CALM2: variants seen among roughly 807,000 people sequenced by gnomAD.
CALM2 encodes the protein calmodulin-2.
Under a neutral mutation model 19.8 loss-of-function variants are expected in CALM2, and 2 were observed. The ratio of observed to expected loss-of-function variants is 0.10; its 90% CI spans 0.04 to 0.32. The LOEUF (loss-of-function observed/expected upper bound fraction) is 0.32, where lower values mean the gene tolerates loss of function less well. CALM2 is among the 10% of genes least tolerant of loss of function. CALM2 has a pLI of 1.00. For synonymous variants in CALM2, 51 were observed against 52.1 expected, an observed-to-expected ratio of 0.98 and a Z score of 0.09; for missense variants, 38 against 178.7, an observed-to-expected ratio of 0.21 and a Z score of 4.49.
Position 47,176,510 on chromosome 2 carries a change from C to A in CALM2, c.-67G>T. 1 of 1,605,220 alleles carries A rather than the reference C, an allele frequency of 6.2e-7. No homozygotes were observed. Among genetic ancestry groups the A allele is most frequent in the East Asian group, 2.3e-5 (1 of 44,096 alleles). On this transcript the variant is annotated 5_prime_UTR_variant, in exon 1 of 6. Coordinates refer to ENST00000272298, the MANE Select transcript of CALM2 (RefSeq NM_001743.6). ...ACTCAGCTCGCTCTCTCCACTCGGA[C>A]TAATTCGCCTCCTCCGCCCCCAGCG...
chr2:47,171,687 C>G (rs1395704544), intron 1 of CALM2: 1 of 152,136 alleles, frequency 6.6e-6, no homozygotes, highest in Non-Finnish European at 1.5e-5. Flanking sequence ...CATGAAGCAA[C>G]TGCTTATGGG....
chr2:47,167,817 T>TTTTTTTTTTTTTTTTTTTG (rs70940664), intron 2 of CALM2: 1 of 142,978 alleles, frequency 7.0e-6, no homozygotes, highest in Non-Finnish European at 1.5e-5. Flanking sequence ...TTCTTTTCTT[T>TTTTTTTTTTTTTTTTTTTG]GAGACAGGGT....
At position 47,160,492 on chromosome 2, in the gene CALM2, T is replaced by G. The variant is rs1687122455; in HGVS notation, c.*284A>C. ...CTTTAAAAAAGGCATAACCCAGATG[T>G]TCCCTCATTTGACCAACTCCATCTA... On this transcript the variant is annotated 3_prime_UTR_variant, in exon 6 of 6. Coordinates refer to ENST00000272298, the MANE Select transcript of CALM2 (RefSeq NM_001743.6). The G allele has an allele frequency of 3.3e-6, 1 of 303,620 alleles. No individual in the cohort carries two copies. Among genetic ancestry groups the G allele is most frequent in the Non-Finnish European group, 6.1e-6 (1 of 164,078 alleles). 18.8% of individuals were successfully genotyped at this position (303,620 alleles called of 1,614,324 possible). A position where few individuals can be genotyped will look rare whatever the true frequency, so the allele number is the denominator to read the frequency against.
chr2:47,165,435 G>A (rs1253764085), intron 2 of CALM2, among the ~76,000 whole-genome samples: 1 of 152,168 alleles, frequency 6.6e-6, no homozygotes, highest in Non-Finnish European at 1.5e-5. Flanking sequence ...ATTAGTATGT[G>A]TCAAACACTT....
intron 2 of CALM2, among the ~76,000 whole-genome samples, chr2:47,164,580 G>C (rs1351338359): frequency 6.7e-6 from 1 of 149,400 alleles, no homozygotes; most frequent in East Asian, 1.9e-4. Context: ...TTGGGCAACA[G>C]AGTGAGACTT....
At chr2:47,176,175 C>G in intron 1 of CALM2, 2 of 513,798 alleles carry the variant, frequency 3.9e-6, no homozygotes, top group Non-Finnish European at 3.5e-6. Flanking sequence ...CCATCCTCCT[C>G]CAGCCAAGCC....
At chr2:47,162,480 T>TC in intron 3 of CALM2, 39 bp downstream of exon 3, 2 of 1,613,418 alleles carry the variant, frequency 1.2e-6, no homozygotes, top group Non-Finnish European at 1.7e-6. Context: ...AAGTATCACT[T>TC]CTTCAACCCC....
At chr2:47,175,474 G>A (rs1666823868) in intron 1 of CALM2, among the ~76,000 whole-genome samples, 1 of 152,188 alleles carries the variant, frequency 6.6e-6, no homozygotes, top group African/African-American at 2.4e-5. Flanking sequence ...TAGAACCCTA[G>A]CTGGAGCCGA....
At chr2:47,176,887 C>T, upstream of CALM2, 2 of 985,360 alleles carry the variant, frequency 2.0e-6, no homozygotes, top group Non-Finnish European at 2.4e-6. Flanking sequence ...GCCGCCGGGA[C>T]GCGGTGCGGC....
chr2:47,170,777 C>CA lies in CALM2; in HGVS notation c.4-14dup, dbSNP rs775334263. 1 of 1,611,698 alleles carries CA rather than the reference C, an allele frequency of 6.2e-7. No individual in the cohort carries two copies. The highest frequency in any genetic ancestry group is 2.2e-5 in the East Asian group (1 of 44,838). The stretch of plus-strand genomic sequence containing the variant: ...TCAGTTGGTCAGCCTACAAAGAGAT[C>CA]AAAGAGGAAGGTTAGTGACTTGAGA... On this transcript the variant is annotated splice_polypyrimidine_tract_variant and intron_variant, in intron 1 of 5. Coordinates refer to ENST00000272298, the MANE Select transcript of CALM2 (RefSeq NM_001743.6).
rs1423827381 is a variant in CALM2, at chr2:47,172,378, C to G, written c.4-1614G>C. 16 of 549,632 alleles carry G rather than the reference C, an allele frequency of 2.9e-5. No homozygotes were observed. In the East Asian group the frequency reaches 9.6e-4, roughly 33 times the overall value. The allele number at this position is 549,632 out of a possible 1,614,324, so 34.0% of individuals were successfully genotyped here. A position where few individuals can be genotyped will look rare whatever the true frequency, so the allele number is the denominator to read the frequency against. On this transcript the variant is annotated intron_variant, in intron 1 of 5. Transcript: ENST00000272298. The stretch of plus-strand genomic sequence containing the variant: ...TGGACGTGGTACTCCTCCTCTCAGT[C>G]AACTTCATTTGTAGCACAAGAATAA...
In CALM2 at chr2:47,170,860, C is replaced by T. The variant is rs113323744; in HGVS notation, c.4-96G>A. 2.1e-5 allele frequency: 20 copies of T among 955,990 alleles called. No homozygotes were observed. In the African/African-American group the frequency reaches 2.6e-4, roughly 12 times the overall value. The allele number at this position is 955,990 out of a possible 1,614,324, so 59.2% of individuals were successfully genotyped here. A position where few individuals can be genotyped will look rare whatever the true frequency, so the allele number is the denominator to read the frequency against. ...AAAACCTTTCAAGGGTTACCATGTA[C>T]TGTTTCATTTAGTTCCAGCAACAAA... On this transcript the variant is annotated intron_variant, in intron 1 of 5. Transcript: ENST00000272298.
chr2:47,165,128 T>A (rs1161948882), intron 2 of CALM2, among the ~76,000 whole-genome samples: 1 of 152,218 alleles, frequency 6.6e-6, no homozygotes, highest in Non-Finnish European at 1.5e-5. Flanking sequence ...CTCCAACTCA[T>A]CACCTGAAAA....
chr2:47,162,202 A>C (rs1247583765), intron 4 of CALM2, 84 bp downstream of exon 4: 25 of 431,388 alleles, frequency 5.8e-5, no homozygotes, highest in Admixed American at 2.3e-4. Context: ...AAAAAAAAAC[A>C]ACCAAAAAAA....
intron 2 of CALM2, chr2:47,162,884 A>C: frequency 2.2e-6 from 1 of 461,816 alleles, no homozygotes; most frequent in East Asian, 3.6e-5. Flanking sequence ...TGTGACTTTG[A>C]CTCCTAAAGA....
chr2:47,176,299 A>G, intron 1 of CALM2, 142 bp downstream of exon 1: 1 of 988,708 alleles, frequency 1.0e-6, no homozygotes, highest in East Asian at 2.7e-5. Context: ...CGTCGCCGGC[A>G]TCCCTGGCCT....
At chr2:47,162,213 CA>C in intron 4 of CALM2, 72 bp downstream of exon 4, 1 of 278,812 alleles carries the variant, frequency 3.6e-6, no homozygotes, top group South Asian at 8.8e-5. Flanking sequence ...ACCAAAAAAA[CA>C]CAAGTCTTCA....
intron 4 of CALM2, 142 bp downstream of exon 4, chr2:47,162,144 G>T: frequency 2.5e-6 from 1 of 399,588 alleles, no homozygotes; most frequent in Non-Finnish European, 4.2e-6. Context: ...GCTTTTGCTT[G>T]GTAATTAAAA....
At chr2:47,161,261 AG>A (rs1687144510) in intron 5 of CALM2, among the ~76,000 whole-genome samples, 1 of 152,234 alleles carries the variant, frequency 6.6e-6, no homozygotes, top group South Asian at 2.1e-4. Flanking sequence ...CCATCTTAAA[AG>A]TTAGTAGATA....
Sources: allele counts gnomAD v4.1 joint callset (sites outside exome capture counted in the v4.1 genomes callset), GRCh38; gene constraint gnomAD v4.1.1; transcripts MANE v1.5; gene names NCBI Gene and HGNC (gene_info 2026-07-23, HGNC 2026-07-21).